Variants in SHROOM3 observed in about 807,000 individuals in gnomAD.
SHROOM3 encodes the protein protein Shroom3.
SHROOM3 carries 47 observed loss-of-function variants against 138.6 expected under a neutral mutation model. The ratio of observed to expected loss-of-function variants is 0.34; its 90% CI spans 0.27 to 0.43. The LOEUF (loss-of-function observed/expected upper bound fraction) is 0.43. Ranked by LOEUF, SHROOM3 falls within the 20% of genes least tolerant of loss-of-function variation. The pLI is 1.00. For synonymous variants in SHROOM3, 1,062 were observed against 1,063.3 expected (o/e 1.00, Z 0.02); for missense variants, 2,491 against 2,596.5 (o/e 0.96, Z 0.88).
rs752388322 is a variant in SHROOM3, at chr4:76,756,763, T to C, written c.5024T>C (p.Ile1675Thr). 6 of 1,613,862 alleles carry C rather than the reference T, an allele frequency of 3.7e-6. No individual in the cohort carries two copies. Among genetic ancestry groups the C allele is most frequent in the African/African-American group, 2.7e-5 (2 of 74,832 alleles). ...DIRTEALAKE[I>T]VHQDKSLADI... ...AGAACAGAGGCTTTGGCCAAGGAAATTGTCCACCAAGACAAATCTCTAGCA... is the reference window on the plus strand; with the variant it reads ...AGAACAGAGGCTTTGGCCAAGGAAACTGTCCACCAAGACAAATCTCTAGCA... The change falls in exon 8 of 11, where the codon ATT becomes ACT. Residue 1675 changes from isoleucine to threonine, a missense_variant. By Grantham distance (89) the Ile-to-Thr change is moderately conservative. This residue lies in a region of SHROOM3 where 470 missense variants were observed against 595.0 expected (regional missense o/e 0.79). Coordinates refer to ENST00000296043, the MANE Select transcript of SHROOM3 (RefSeq NM_020859.4).
intron 1 of SHROOM3, among the ~76,000 whole-genome samples, chr4:76,550,395 G>A (rs189035633): frequency 5.6e-4 from 85 of 152,326 alleles, no homozygotes; most frequent in Admixed American, 2.3e-3. Flanking sequence ...GACAAAGGTA[G>A]TGACTGAGGC....
At chr4:76,737,622 C>G (rs1721113817) in intron 4 of SHROOM3, among the ~76,000 whole-genome samples, 1 of 151,892 alleles carries the variant, frequency 6.6e-6, no homozygotes, top group South Asian at 2.1e-4. Flanking sequence ...TTTGGCCGTT[C>G]TAATAGGTGT....
chr4:76,469,891 AT>A (rs1351523893), intron 1 of SHROOM3, among the ~76,000 whole-genome samples: 4 of 152,186 alleles, frequency 2.6e-5, no homozygotes, highest in Non-Finnish European at 5.9e-5. Flanking sequence ...ATAGAGCTTT[AT>A]AGGAAGGAAG....
chr4:76,513,489 T>C (rs2110006470), intron 1 of SHROOM3, among the ~76,000 whole-genome samples: 1 of 152,284 alleles, frequency 6.6e-6, no homozygotes, highest in African/African-American at 2.4e-5. Context: ...AATTTTTGTA[T>C]TTTTAGTAGA....
At chr4:76,633,570 T>C (rs1735397795) in intron 2 of SHROOM3, among the ~76,000 whole-genome samples, 1 of 140,988 alleles carries the variant, frequency 7.1e-6, no homozygotes, top group Admixed American at 7.9e-5. Context: ...GGCAGCAGAA[T>C]GGCGTGAACC....
At chr4:76,672,332 AG>A (rs199677972) in intron 2 of SHROOM3, among the ~76,000 whole-genome samples, 3,186 of 151,538 alleles carry the variant, frequency 0.021, 51 homozygotes, top group Non-Finnish European at 0.033. Flanking sequence ...GTTGGCATTG[AG>A]GATATTGCTT....
intron 1 of SHROOM3, among the ~76,000 whole-genome samples, chr4:76,504,513 A>G (rs1384722779): frequency 2.0e-5 from 3 of 152,186 alleles, no homozygotes; most frequent in Non-Finnish European, 4.4e-5. Flanking sequence ...AAAAATCCAC[A>G]TGAAACTTTT....
chr4:76,642,892 A>G (rs1325739571), intron 2 of SHROOM3, among the ~76,000 whole-genome samples: 1 of 152,064 alleles, frequency 6.6e-6, no homozygotes, highest in Non-Finnish European at 1.5e-5. Context: ...ATTTGTATCC[A>G]GAGTTTTCTC....
intron 3 of SHROOM3, among the ~76,000 whole-genome samples, chr4:76,725,610 G>A (rs972180608): frequency 2.6e-5 from 4 of 152,048 alleles, no homozygotes; most frequent in African/African-American, 9.7e-5. Flanking sequence ...CCTGGAGCCC[G>A]ATCCCGTGTG....
chr4:76,579,514 G>C (rs1295429572), intron 2 of SHROOM3, among the ~76,000 whole-genome samples: 5 of 152,174 alleles, frequency 3.3e-5, no homozygotes, highest in Admixed American at 6.5e-5. Flanking sequence ...ACAAGTACTT[G>C]GTCTACAGAT....
At position 76,781,429 on chromosome 4, in the gene SHROOM3, C is replaced by G. The variant is rs1320038751; in HGVS notation, c.*2252C>G. On this transcript the variant is annotated 3_prime_UTR_variant, in exon 11 of 11. Coordinates refer to ENST00000296043, the MANE Select transcript of SHROOM3 (RefSeq NM_020859.4). ...AGGCATGAGCCACTTCACCCAGCCACTTTTCTAATTTATAGACATAAAAGT... is the reference window on the plus strand; with the variant it reads ...AGGCATGAGCCACTTCACCCAGCCAGTTTTCTAATTTATAGACATAAAAGT... The G allele has an allele frequency of 6.6e-6, 1 of 152,210 alleles. No homozygotes were observed. Among genetic ancestry groups the G allele is most frequent in the Non-Finnish European group, 1.5e-5 (1 of 68,062 alleles). 9.4% of individuals were successfully genotyped at this position (152,210 alleles called of 1,614,324 possible).
intron 2 of SHROOM3, among the ~76,000 whole-genome samples, chr4:76,595,840 G>A (rs1206463600): frequency 6.6e-6 from 1 of 152,198 alleles, no homozygotes; most frequent in Non-Finnish European, 1.5e-5. Context: ...GCCTGTTTTA[G>A]ATAAGCAAGT....
At chr4:76,775,323 T>G (rs1285955513) in intron 10 of SHROOM3, among the ~76,000 whole-genome samples, 9 of 148,484 alleles carry the variant, frequency 6.1e-5, no homozygotes, top group Non-Finnish European at 1.0e-4. Flanking sequence ...GTCCATGGGG[T>G]GTGTGTGTGT....
intron 5 of SHROOM3, among the ~76,000 whole-genome samples, chr4:76,747,676 G>T (rs1721484424): frequency 6.6e-6 from 1 of 152,068 alleles, no homozygotes; most frequent in South Asian, 2.1e-4. Context: ...GCACATTCTT[G>T]TCAACATAGG....
intron 2 of SHROOM3, among the ~76,000 whole-genome samples, chr4:76,606,870 G>T (rs1197075014): frequency 6.6e-6 from 1 of 152,144 alleles, no homozygotes; most frequent in Non-Finnish European, 1.5e-5. Context: ...TGCTGTAGCA[G>T]CTTGTAGAAA....
At chr4:76,547,668 G>T (rs747895976) in intron 1 of SHROOM3, among the ~76,000 whole-genome samples, 18 of 152,148 alleles carry the variant, frequency 1.2e-4, no homozygotes, top group Non-Finnish European at 2.6e-4. Flanking sequence ...GGCGGCTCAT[G>T]CCTGTAATCC....
In SHROOM3 at chr4:76,738,863, G is replaced by C; in HGVS notation, c.690G>C (p.Gly230=). 1 of 1,614,208 alleles carries C rather than the reference G, an allele frequency of 6.2e-7. No individual in the cohort carries two copies. Among genetic ancestry groups the C allele is most frequent in the South Asian group, 1.1e-5 (1 of 91,082 alleles). ...GCATGGAGAGCCTGGAGCCCAGTGG[G>C]GCATACCCACCCTGTCATCTTTCCC... ...QGSMESLEPS[G]AYPPCHLSPA... The change falls in exon 5 of 11, where the codon GGG becomes GGC. Residue 230 remains glycine, a synonymous_variant. Transcript: ENST00000296043.
chr4:76,651,881 T>G lies in SHROOM3; in HGVS notation c.324-58275T>G, dbSNP rs1012701227. On this transcript the variant is annotated intron_variant, in intron 2 of 10. Coordinates refer to ENST00000296043, the MANE Select transcript of SHROOM3 (RefSeq NM_020859.4). ...AAATCGGGGTATTGGCAAAGGAAGC[T>G]TCACAATGTCCAGCTTTACTGCCCC... Among the ~76,000 whole-genome samples, 5 of 152,282 alleles carry G rather than the reference T, an allele frequency of 3.3e-5. No homozygotes were observed. The South Asian group carries it at 8.3e-4, about 25-fold the overall frequency.
Position 76,740,923 on chromosome 4 carries a change from A to C in SHROOM3, c.2750A>C (p.Asp917Ala). Reference protein sequence around the residue: ...RPGSPESPLLDAPFSRAYRNS... With the variant: ...RPGSPESPLLAAPFSRAYRNS... Reference sequence around the variant, plus strand: ...GGCTCGCCCGAATCGCCCCTGCTGGATGCCCCCTTCAGCCGCGCCTACCGG... The same window carrying C: ...GGCTCGCCCGAATCGCCCCTGCTGGCTGCCCCCTTCAGCCGCGCCTACCGG... Residue 917 changes from aspartate to alanine, a missense_variant, in exon 5 of 11, where the codon GAT becomes GCT. Asp to Ala is a moderately radical substitution (Grantham distance 126, BLOSUM62 -2). This residue lies in a region of SHROOM3 where 1,733 missense variants were observed against 1,661.6 expected (regional missense o/e 1.04). Coordinates refer to ENST00000296043, the MANE Select transcript of SHROOM3 (RefSeq NM_020859.4). The surrounding 1 kb of genome is among the most constrained non-coding windows in gnomAD (Gnocchi z 4.0). 2.0e-6 allele frequency: 3 copies of C among 1,499,488 alleles called. No homozygotes were observed. The highest frequency in any genetic ancestry group is 2.7e-6 in the Non-Finnish European group (3 of 1,127,836). The allele number at this position is 1,499,488 out of a possible 1,614,324, so 92.9% of individuals were successfully genotyped here. A position where few individuals can be genotyped will look rare whatever the true frequency, so the allele number is the denominator to read the frequency against.
Sources: allele counts gnomAD v4.1 joint callset (sites outside exome capture counted in the v4.1 genomes callset), GRCh38; gene constraint gnomAD v4.1.1; regional missense constraint gnomAD v4.1.1; non-coding constraint Gnocchi (gnomAD v3.1); transcripts MANE v1.5; gene names NCBI Gene and HGNC (gene_info 2026-07-23, HGNC 2026-07-21).